PDGFC: variants seen among roughly 807,000 people sequenced by gnomAD.
PDGFC encodes the protein platelet derived growth factor C, also known as platelet-derived growth factor C.
Under a neutral mutation model 35.5 loss-of-function variants are expected in PDGFC, and 12 were observed. The ratio of observed to expected loss-of-function variants is 0.34; its 90% CI spans 0.22 to 0.55. PDGFC has a LOEUF of 0.55. PDGFC is among the 20% of genes least tolerant of loss of function. PDGFC has a pLI of 0.91. For missense variants in PDGFC, 322 were observed against 412.4 expected, an observed-to-expected ratio of 0.78 and a Z score of 1.90; for synonymous variants, 159 against 148.8, an observed-to-expected ratio of 1.07 and a Z score of -0.50.
intron 3 of PDGFC, among the ~76,000 whole-genome samples, chr4:156,802,807 A>G (rs948861010): frequency 1.5e-4 from 23 of 152,158 alleles, no homozygotes; most frequent in Non-Finnish European, 3.1e-4. Context: ...AGAATGTCCA[A>G]TCAACTTTTA....
intron 3 of PDGFC, among the ~76,000 whole-genome samples, chr4:156,800,796 G>A (rs1405065030): frequency 6.6e-6 from 1 of 152,180 alleles, no homozygotes; most frequent in African/African-American, 2.4e-5. Context: ...AAAGGGCTCT[G>A]ATTTAATCAA....
chr4:156,827,189 G>A (rs747806698), intron 2 of PDGFC, among the ~76,000 whole-genome samples: 1 of 152,142 alleles, frequency 6.6e-6, no homozygotes, highest in Non-Finnish European at 1.5e-5. Context: ...AGGCCAAGGT[G>A]GGCGGAACAC....
intron 1 of PDGFC, among the ~76,000 whole-genome samples, chr4:156,958,988 T>C (rs959825878): frequency 2.0e-5 from 3 of 152,102 alleles, no homozygotes; most frequent in Admixed American, 6.6e-5. Context: ...GTTGTAGTTA[T>C]GAGTCTACTC....
At chr4:156,916,577 C>T (rs1023372627) in intron 1 of PDGFC, among the ~76,000 whole-genome samples, 1 of 152,158 alleles carries the variant, frequency 6.6e-6, no homozygotes, top group Non-Finnish European at 1.5e-5. Context: ...ATGGATCCTA[C>T]CTTCAAAATA....
chr4:156,866,144 C>T (rs771388297), intron 1 of PDGFC, among the ~76,000 whole-genome samples: 15 of 152,042 alleles, frequency 9.9e-5, no homozygotes, highest in Admixed American at 2.0e-4. Context: ...GTGTGATGTC[C>T]CCCTTCCTGT....
chr4:156,812,951 A>G lies in PDGFC; in HGVS notation c.315-1934T>C, dbSNP rs189699851. Among the ~76,000 whole-genome samples, 387 of 152,224 alleles carry G rather than the reference A, an allele frequency of 2.5e-3. 2 individuals are homozygous for G. The highest frequency in any genetic ancestry group is 8.9e-3 in the African/African-American group (369 of 41,574). ...GAAAACACAAAGACAAAGAGGAGAT[A>G]TGATTTTGCTATATCACATGAGAAG... is the stretch of plus-strand genomic sequence containing the variant. On this transcript the variant is annotated intron_variant, in intron 2 of 5. Coordinates refer to ENST00000502773, the MANE Select transcript of PDGFC (RefSeq NM_016205.3).
At chr4:156,870,609 G>A (rs1028391043) in intron 1 of PDGFC, among the ~76,000 whole-genome samples, 6 of 151,810 alleles carry the variant, frequency 4.0e-5, no homozygotes, top group African/African-American at 7.3e-5. Flanking sequence ...TTAATATTAC[G>A]AAGACACTTC....
intron 1 of PDGFC, among the ~76,000 whole-genome samples, chr4:156,904,192 G>A (rs568490188): frequency 3.3e-5 from 5 of 152,142 alleles, no homozygotes; most frequent in African/African-American, 4.8e-5. Flanking sequence ...GACAGAAAAC[G>A]GAGTTCCTTA....
chr4:156,801,352 C>G (rs1162574300), intron 3 of PDGFC, among the ~76,000 whole-genome samples: 1 of 152,148 alleles, frequency 6.6e-6, no homozygotes, highest in South Asian at 2.1e-4. Context: ...TTAGCTGGCT[C>G]TATGTGCATT....
intron 1 of PDGFC, among the ~76,000 whole-genome samples, chr4:156,856,310 C>T (rs985291420): frequency 6.6e-6 from 1 of 152,148 alleles, no homozygotes; most frequent in Admixed American, 6.5e-5. Flanking sequence ...CAGTTAATCA[C>T]TTTATTCCTG....
Position 156,761,250 on chromosome 4 carries a change from A to T in PDGFC, c.*1840T>A, listed in dbSNP as rs1168726278. ...TGCAATGTACAATAATCCATGCACC[A>T]AATCAATTTATGCTCACCCCATTTA... On this transcript the variant is annotated 3_prime_UTR_variant, in exon 6 of 6. Coordinates refer to ENST00000502773, the MANE Select transcript of PDGFC (RefSeq NM_016205.3). The T allele has an allele frequency of 6.6e-6, 1 of 152,256 alleles. No homozygotes were observed. Among genetic ancestry groups the T allele is most frequent in the African/African-American group, 2.4e-5 (1 of 41,466 alleles). The allele number at this position is 152,256 out of a possible 1,614,324, so 9.4% of individuals were successfully genotyped here.
rs542580408 is a variant in PDGFC, at chr4:156,885,758, G to A, written c.119-35342C>T. ...TCACAAAAAATTAGCCAGGCATGGTGTTATGTGCCTGTATTACTTAGGAGG... is the reference window on the plus strand; with the variant it reads ...TCACAAAAAATTAGCCAGGCATGGTATTATGTGCCTGTATTACTTAGGAGG... On this transcript the variant is annotated intron_variant, in intron 1 of 5. Coordinates refer to ENST00000502773, the MANE Select transcript of PDGFC (RefSeq NM_016205.3). Among the ~76,000 whole-genome samples, 14 of 152,170 alleles carry A rather than the reference G, an allele frequency of 9.2e-5. No homozygotes were observed. The East Asian group carries it at 2.7e-3, about 29-fold the overall frequency.
At chr4:156,785,121 T>C (rs559950187) in intron 3 of PDGFC, among the ~76,000 whole-genome samples, 14 of 152,336 alleles carry the variant, frequency 9.2e-5, no homozygotes, top group Admixed American at 8.5e-4. Context: ...CACTGTGATA[T>C]AAACTATAAA....
rs116534747 is a variant in PDGFC, at chr4:156,903,531, A to C, written c.119-53115T>G. Among the ~76,000 whole-genome samples, 451 of 152,232 alleles carry C rather than the reference A, an allele frequency of 3.0e-3. 3 individuals carry two copies. The highest frequency in any genetic ancestry group is 0.01 in the African/African-American group (435 of 41,572). On this transcript the variant is annotated intron_variant, in intron 1 of 5. Transcript: ENST00000502773. ...GATGGTTTCCCCTATGAAAATTAGA[A>C]AGAATGATTTAAAATTTAAAACTAC...
intron 2 of PDGFC, among the ~76,000 whole-genome samples, chr4:156,830,028 CT>C (rs1728889781): frequency 6.6e-6 from 1 of 151,996 alleles, no homozygotes; most frequent in Non-Finnish European, 1.5e-5. Context: ...AAAAATGTAT[CT>C]GAAAAGCTGT....
At chr4:156,925,003 G>A (rs933865919) in intron 1 of PDGFC, among the ~76,000 whole-genome samples, 1 of 152,120 alleles carries the variant, frequency 6.6e-6, no homozygotes, top group African/African-American at 2.4e-5. Context: ...GGCCTTGCAG[G>A]AGGCTTCAGG....
chr4:156,891,027 C>T (rs1730491758), intron 1 of PDGFC, among the ~76,000 whole-genome samples: 1 of 151,852 alleles, frequency 6.6e-6, no homozygotes, highest in Admixed American at 6.6e-5. Context: ...GGTCATAAAA[C>T]CTTTATGTAA....
chr4:156,838,236 C>T (rs1180149773), intron 2 of PDGFC, among the ~76,000 whole-genome samples: 2 of 152,212 alleles, frequency 1.3e-5, no homozygotes, highest in Non-Finnish European at 2.9e-5. Flanking sequence ...AGCACCTCTT[C>T]CTCCTCCTAA....
chr4:156,950,662 GTTC>G (rs1732058027), intron 1 of PDGFC, among the ~76,000 whole-genome samples: 1 of 151,606 alleles, frequency 6.6e-6, no homozygotes, highest in Admixed American at 6.6e-5. Flanking sequence ...TAGAAGAAAA[GTTC>G]TTTTTTTTTC....
Sources: allele counts gnomAD v4.1 joint callset (sites outside exome capture counted in the v4.1 genomes callset), GRCh38; gene constraint gnomAD v4.1.1; transcripts MANE v1.5; gene names NCBI Gene and HGNC (gene_info 2026-07-23, HGNC 2026-07-21).